Variants in EPHA6 observed in about 807,000 individuals in gnomAD.
EPHA6 encodes ephrin type-A receptor 6.
EPHA6 carries 50 observed loss-of-function variants against 112.0 expected under a neutral mutation model. That is an observed-to-expected ratio of 0.45 (90% CI 0.36 to 0.56). The LOEUF is 0.56. Ranked by LOEUF, EPHA6 falls within the 20% of genes least tolerant of loss-of-function variation. EPHA6 has a pLI of 0.00. For synonymous variants in EPHA6, 529 were observed against 490.7 expected, an observed-to-expected ratio of 1.08 and a Z score of -1.03; for missense variants, 1,280 against 1,417.4, an observed-to-expected ratio of 0.90 and a Z score of 1.56.
chr3:96,903,858 G>A (rs2038761403), intron 2 of EPHA6, among the ~76,000 whole-genome samples: 1 of 152,112 alleles, frequency 6.6e-6, no homozygotes, highest in Non-Finnish European at 1.5e-5. Flanking sequence ...ATGAAAAAAT[G>A]CTCATCATCA....
intron 10 of EPHA6, among the ~76,000 whole-genome samples, chr3:97,514,064 C>T (rs2092408289): frequency 6.6e-6 from 1 of 152,142 alleles, no homozygotes; most frequent in Non-Finnish European, 1.5e-5. Context: ...CCATGAATTA[C>T]CACAAGTTAG....
At chr3:97,678,090 A>G (rs1269039505) in intron 14 of EPHA6, among the ~76,000 whole-genome samples, 1 of 152,152 alleles carries the variant, frequency 6.6e-6, no homozygotes, top group African/African-American at 2.4e-5. Context: ...AAAGTCTTCA[A>G]GAAATGAGGG....
chr3:97,451,134 C>T (rs1485836748), intron 7 of EPHA6, among the ~76,000 whole-genome samples: 1 of 151,788 alleles, frequency 6.6e-6, no homozygotes, highest in Non-Finnish European at 1.5e-5. Context: ...ACACAGGGGC[C>T]AAACCAAGAG....
At chr3:97,206,751 A>G (rs1434513326) in intron 3 of EPHA6, among the ~76,000 whole-genome samples, 1 of 152,074 alleles carries the variant, frequency 6.6e-6, no homozygotes, top group Non-Finnish European at 1.5e-5. Context: ...GTTTTATTCA[A>G]CCTATACCCC....
intron 1 of EPHA6, among the ~76,000 whole-genome samples, chr3:96,828,436 T>C (rs918951212): frequency 1.3e-5 from 2 of 152,122 alleles, no homozygotes; most frequent in African/African-American, 4.8e-5. Flanking sequence ...AGGAAACTCA[T>C]GTCAAGAGTA....
At chr3:97,622,522 T>C (rs1347097809) in intron 13 of EPHA6, among the ~76,000 whole-genome samples, 3 of 151,934 alleles carry the variant, frequency 2.0e-5, no homozygotes, top group Admixed American at 6.6e-5. Context: ...ATTGCTTTCA[T>C]GTTTTAGCTA....
chr3:96,888,779 G>A (rs750317523), intron 2 of EPHA6, among the ~76,000 whole-genome samples: 3 of 152,304 alleles, frequency 2.0e-5, no homozygotes, highest in Admixed American at 6.5e-5. Context: ...CTGTTGTCTT[G>A]GTGATTAATA....
rs982989312 is a variant in EPHA6, at chr3:97,625,305, G to T, written c.2575-12568G>T. On this transcript the variant is annotated intron_variant, in intron 13 of 17. Transcript: ENST00000389672. ...TTTGTGATTTCTTCTTTGATCCATT[G>T]GTTGTCTAAGAGTTTATTGTTTATA... Among the ~76,000 whole-genome samples, 5 of 151,472 alleles carry T rather than the reference G, an allele frequency of 3.3e-5. No individual in the cohort carries two copies. The Admixed American group carries it at 3.3e-4, about 10-fold the overall frequency.
At chr3:97,400,767 T>C (rs2086948043) in intron 5 of EPHA6, among the ~76,000 whole-genome samples, 1 of 151,790 alleles carries the variant, frequency 6.6e-6, no homozygotes, top group African/African-American at 2.4e-5. Context: ...ATTGATTTTC[T>C]ATCCTGCAGC....
intron 6 of EPHA6, among the ~76,000 whole-genome samples, chr3:97,426,187 C>A (rs1324135909): frequency 1.3e-5 from 2 of 152,180 alleles, no homozygotes; most frequent in African/African-American, 4.8e-5. Flanking sequence ...TATTCACATG[C>A]TGCTAATAAA....
chr3:97,676,020 C>T (rs187075377), intron 14 of EPHA6, among the ~76,000 whole-genome samples: 1 of 151,992 alleles, frequency 6.6e-6, no homozygotes, highest in African/African-American at 2.4e-5. Flanking sequence ...GAGGAGCAGT[C>T]GTAGAGGGGG....
At chr3:97,543,135 A>AT (rs1350003141) in intron 11 of EPHA6, among the ~76,000 whole-genome samples, 1 of 151,932 alleles carries the variant, frequency 6.6e-6, no homozygotes, top group Non-Finnish European at 1.5e-5. Context: ...TTTTGTTGCC[A>AT]TGCTTTTGGT....
intron 12 of EPHA6, among the ~76,000 whole-genome samples, chr3:97,604,397 A>G (rs902267281): frequency 6.6e-6 from 1 of 151,756 alleles, no homozygotes; most frequent in Non-Finnish European, 1.5e-5. Flanking sequence ...TTACTGCATC[A>G]TATGAAACAT....
chr3:97,600,906 A>G (rs2093638211), intron 12 of EPHA6, among the ~76,000 whole-genome samples: 1 of 152,024 alleles, frequency 6.6e-6, no homozygotes, highest in African/African-American at 2.4e-5. Flanking sequence ...AAATCTTAAA[A>G]GAGCCTTTAA....
intron 2 of EPHA6, among the ~76,000 whole-genome samples, chr3:96,890,224 A>G (rs2037876046): frequency 6.6e-6 from 1 of 152,188 alleles, no homozygotes; most frequent in African/African-American, 2.4e-5. Context: ...GCAAAAGGCA[A>G]CACACAGGTT....
chr3:97,551,160 C>A (rs2093023603), intron 11 of EPHA6, among the ~76,000 whole-genome samples: 1 of 152,106 alleles, frequency 6.6e-6, no homozygotes, highest in Non-Finnish European at 1.5e-5. Context: ...TCTACATAGA[C>A]CAGAATCAAC....
intron 3 of EPHA6, among the ~76,000 whole-genome samples, chr3:97,170,889 G>T (rs990041988): frequency 6.6e-6 from 1 of 152,122 alleles, no homozygotes; most frequent in Non-Finnish European, 1.5e-5. Flanking sequence ...TTAAAATGGG[G>T]TTGCATCCTG....
At chr3:97,641,879 G>A (rs2094009462) in intron 14 of EPHA6, among the ~76,000 whole-genome samples, 1 of 151,756 alleles carries the variant, frequency 6.6e-6, no homozygotes, top group Non-Finnish European at 1.5e-5. Flanking sequence ...GCCCGCCATT[G>A]CCCAGGCTTG....
At chr3:97,288,487 T>A (rs7635401) in intron 5 of EPHA6, among the ~76,000 whole-genome samples, 1,596 of 152,320 alleles carry the variant, frequency 0.01, 32 homozygotes, top group African/African-American at 0.035. Context: ...GTCCACTGTT[T>A]ATGAGCACCC....
Sources: allele counts gnomAD v4.1 joint callset (sites outside exome capture counted in the v4.1 genomes callset), GRCh38; gene constraint gnomAD v4.1.1; transcripts MANE v1.5; gene names NCBI Gene and HGNC (gene_info 2026-07-23, HGNC 2026-07-21).